The following ATG12 variants were observed in gnomAD, a reference collection of about 807,000 sequenced individuals.
The protein encoded by ATG12 is ubiquitin-like protein ATG12.
ATG12 carries 19 observed loss-of-function variants against 17.6 expected under a neutral mutation model. The ratio of observed to expected loss-of-function variants is 1.08; its 90% CI spans 0.75 to 1.58. The LOEUF (loss-of-function observed/expected upper bound fraction) is 1.58. Ranked by LOEUF, ATG12 falls within the 40% of genes most tolerant of loss-of-function variation. The pLI, the probability that ATG12 is intolerant of heterozygous loss-of-function variation, is 0.00. For missense variants in ATG12, 214 were observed against 162.0 expected (o/e 1.32, Z -1.74); for synonymous variants, 75 against 62.4 (o/e 1.20, Z -0.95).
At chr5:115,833,494 A>C (rs1760970766) in intron 2 of ATG12, 1 of 152,114 alleles carries the variant, frequency 6.6e-6, no homozygotes. Context: ...GATTAAGTGT[A>C]TAGGCTCTGA....
chr5:115,838,874 A>C, intron 1 of ATG12: 1 of 152,280 alleles, frequency 6.6e-6, no homozygotes, highest in East Asian at 1.9e-4. Context: ...GGATCACTTG[A>C]GGTCAGGAGT....
chr5:115,837,910 G>A, intron 1 of ATG12, 146 bp from the exon 2 acceptor site: 1 of 674,952 alleles, frequency 1.5e-6, no homozygotes, highest in South Asian at 3.6e-5. Flanking sequence ...ATGTAAAAAT[G>A]TTAGATTCTT....
intron 2 of ATG12, 68 bp downstream of exon 2, chr5:115,837,533 GGCTCCATATGCATTTCTATAAACAACA>G (rs1761157078): frequency 8.0e-7 from 1 of 1,255,064 alleles, no homozygotes. Context: ...CGACATATGT[GGCTCCATATGCATTTCTATAAACAACA>G]GTTAATTCAC....
chr5:115,832,571 C>CTTTT lies in ATG12; in HGVS notation c.363+27_363+30dup, dbSNP rs35310189. 1.4e-3 allele frequency: 1,094 copies of CTTTT among 802,234 alleles called. 33 individuals are homozygous for CTTTT. In the African/African-American group the frequency reaches 0.019, roughly 14 times the overall value. The allele number at this position is 802,234 out of a possible 1,614,324, so 49.7% of individuals were successfully genotyped here. On this transcript the variant is annotated intron_variant, in intron 3 of 3. Transcript: ENST00000509910. ...AAGAAAAAAAAGCAGTAATTTCTTTCTTTTTTTTTTTTTTTTTTTTTTTTT... is the reference window on the plus strand; with the variant it reads ...AAGAAAAAAAAGCAGTAATTTCTTTCTTTTTTTTTTTTTTTTTTTTTTTTTTTTT...
Position 115,828,575 on chromosome 5 carries a change from G to A in ATG12, c.*3229C>T, listed in dbSNP as rs187202563. 32 of 152,222 alleles carry A rather than the reference G, an allele frequency of 2.1e-4. No homozygotes were observed. Among genetic ancestry groups the A allele is most frequent in the Admixed American group, 1.5e-3 (23 of 15,282 alleles). The allele number at this position is 152,222 out of a possible 1,614,324, so 9.4% of individuals were successfully genotyped here. ...TTCAGTTGGTCTTTTCTTACCAATT[G>A]AAACAAATTCTTCATATACTTAAGA... is the stretch of plus-strand genomic sequence containing the variant. On this transcript the variant is annotated 3_prime_UTR_variant, in exon 4 of 4. Transcript: ENST00000509910.
chr5:115,833,873 G>A (rs989130613), intron 2 of ATG12: 3 of 152,156 alleles, frequency 2.0e-5, no homozygotes, highest in Non-Finnish European at 4.4e-5. Flanking sequence ...TTATAAATGA[G>A]GGGAAGGGCT....
chr5:115,832,822 ATT>A, intron 2 of ATG12, 158 bp from the exon 3 acceptor site: 1 of 607,930 alleles, frequency 1.6e-6, no homozygotes, highest in South Asian at 4.8e-5. Flanking sequence ...TAAAGAGATC[ATT>A]ACGAAGATCT....
At chr5:115,840,805 T>C (rs1761384177) in intron 1 of ATG12, 2 of 1,211,418 alleles carry the variant, frequency 1.7e-6, no homozygotes, top group South Asian at 1.4e-5. Flanking sequence ...ACTCAAGCAA[T>C]GAAATAACTC....
chr5:115,837,248 C>G (rs1424758845), intron 2 of ATG12, among the ~76,000 whole-genome samples: 1 of 152,086 alleles, frequency 6.6e-6, no homozygotes, highest in Non-Finnish European at 1.5e-5. Flanking sequence ...ACTCCACTAA[C>G]AAGAGATAAG....
chr5:115,836,664 GATTTT>G (rs1325337687), intron 2 of ATG12, among the ~76,000 whole-genome samples: 1 of 151,938 alleles, frequency 6.6e-6, no homozygotes, highest in East Asian at 1.9e-4. Flanking sequence ...AAAAATTCCT[GATTTT>G]ATTTAAAAAA....
At chr5:115,834,962 G>GT (rs1761030207) in intron 2 of ATG12, 1 of 151,854 alleles carries the variant, frequency 6.6e-6, no homozygotes, top group African/African-American at 2.4e-5. Context: ...CCTTGCTCTG[G>GT]TTTTCTTCAC....
At chr5:115,831,998 C>T in intron 3 of ATG12, 135 bp from the exon 4 acceptor site, 1 of 763,550 alleles carries the variant, frequency 1.3e-6, no homozygotes, top group East Asian at 2.7e-5. Context: ...CTATCTCTTT[C>T]AAAGGATGCC....
intron 3 of ATG12, 31 bp downstream of exon 3, chr5:115,832,563 ATTTCTTTC>A: frequency 1.1e-5 from 15 of 1,392,712 alleles, no homozygotes; most frequent in Non-Finnish European, 1.4e-5. Context: ...AAAAGCAGTA[ATTTCTTTC>A]TTTTTTTTTT....
Position 115,841,537 on chromosome 5 carries a change from G to C in ATG12, c.16C>G (p.Gln6Glu), listed in dbSNP as rs769843692. 1.2e-6 allele frequency: 2 copies of C among 1,613,508 alleles called. No individual in the cohort carries two copies. Among genetic ancestry groups the C allele is most frequent in the South Asian group, 2.2e-5 (2 of 91,084 alleles). ...GAAGTAGGAAGCTGCAACACAGACT[G>C]CGGCTCCTCCGCCATCTTGCTTGGA... MAEEP[Q>E]SVLQLPTSIA... Residue 6 changes from glutamine (Q) to glutamate (E), a missense_variant, in exon 1 of 4, where the codon CAG becomes GAG. Gln to Glu is a conservative substitution (Grantham distance 29, BLOSUM62 2). Coordinates refer to ENST00000509910, the MANE Select transcript of ATG12 (RefSeq NM_004707.4).
In ATG12 at chr5:115,841,394, T is replaced by C. The variant is rs770903432; in HGVS notation, c.159A>G (p.Lys53=). 2.5e-6 allele frequency: 4 copies of C among 1,611,854 alleles called. No individual in the cohort carries two copies. In the East Asian group the frequency reaches 6.7e-5, roughly 27 times the overall value. ...CCCGGAAATAAATTCAGTTACTTTTTTTCTTGGTGTCGCCAGCAGGTTCCT... is the reference window on the plus strand; with the variant it reads ...CCCGGAAATAAATTCAGTTACTTTTCTTCTTGGTGTCGCCAGCAGGTTCCT... The part of the protein sequence containing the change: ...GTEEPAGDTK[K]KIDILLKAVG... Residue 53 remains lysine (K), a synonymous_variant, in exon 1 of 4, where the codon AAA becomes AAG. Coordinates refer to ENST00000509910, the MANE Select transcript of ATG12 (RefSeq NM_004707.4).
chr5:115,840,368 G>A (rs1761329583), intron 1 of ATG12: 1 of 175,912 alleles, frequency 5.7e-6, no homozygotes, highest in East Asian at 1.9e-4. Context: ...CGAGACCTCC[G>A]CCCACTGCCA....
Position 115,831,774 on chromosome 5 carries a change from A to G in ATG12, c.*30T>C, listed in dbSNP as rs752676898. On this transcript the variant is annotated 3_prime_UTR_variant, in exon 4 of 4. Transcript: ENST00000509910. The stretch of plus-strand genomic sequence containing the variant: ...TGTCTCTTCCGTGAAAATCCATTTC[A>G]TGTAGTAGCAAGTTGATTTTCTTTG... 3.7e-6 allele frequency: 6 copies of G among 1,605,850 alleles called. No individual in the cohort carries two copies. In the African/African-American group the frequency reaches 6.7e-5, roughly 18 times the overall value.
chr5:115,832,806 T>A, intron 2 of ATG12, 142 bp from the exon 3 acceptor site: 2 of 754,522 alleles, frequency 2.7e-6, no homozygotes, highest in Non-Finnish European at 2.0e-6. Flanking sequence ...TTCTAAATAG[T>A]CAATTTAAAG....
chr5:115,834,223 G>A (rs3797570), intron 2 of ATG12: 32,662 of 152,080 alleles, frequency 0.21, 3,871 homozygotes, highest in Admixed American at 0.36. Context: ...AGACTCGATG[G>A]AGCAGAGAAC....
Sources: gnomAD v4.1 joint callset for allele counts (sites outside exome capture counted in the v4.1 genomes callset) on GRCh38, gnomAD v4.1.1 for gene constraint, MANE v1.5 for transcripts, NCBI Gene and HGNC (gene_info 2026-07-23, HGNC 2026-07-21) for gene names.